The following APP variants were observed in gnomAD, a reference collection of about 807,000 sequenced individuals.
APP encodes amyloid beta precursor protein, also known as amyloid-beta precursor protein.
APP carries 31 observed loss-of-function variants against 101.4 expected under a neutral mutation model. That is an observed-to-expected ratio of 0.31 (90% confidence interval 0.23 to 0.41). The LOEUF is 0.41. Among genes scored for constraint, APP ranks in the 10% least tolerant of loss-of-function variants. The probability of loss-of-function intolerance (pLI) is 1.00; values close to 1 mark genes in which losing one functional copy is unlikely to be tolerated. For synonymous variants in APP, 366 were observed against 364.4 expected, an observed-to-expected ratio of 1.00 and a Z score of -0.05; for missense variants, 839 against 1,003.7, an observed-to-expected ratio of 0.84 and a Z score of 2.22.
chr21:26,099,047 T>C (rs909706702), intron 2 of APP, among the ~76,000 whole-genome samples: 1 of 152,220 alleles, frequency 6.6e-6, no homozygotes, highest in African/African-American at 2.4e-5. Flanking sequence ...TTCATTTTAC[T>C]ATTCTTTCTA....
At chr21:26,078,611 ATTC>A (rs1197880307) in intron 3 of APP, among the ~76,000 whole-genome samples, 1 of 152,182 alleles carries the variant, frequency 6.6e-6, no homozygotes, top group Non-Finnish European at 1.5e-5. Flanking sequence ...TAAATTTCAT[ATTC>A]TTCATCTGGC....
chr21:25,889,926 G>A (rs1036567592), intron 17 of APP, among the ~76,000 whole-genome samples: 3 of 152,042 alleles, frequency 2.0e-5, no homozygotes, highest in African/African-American at 7.2e-5. Flanking sequence ...AGCAAAAAAG[G>A]GGTCTTGAAT....
intron 1 of APP, among the ~76,000 whole-genome samples, chr21:26,127,186 T>C (rs1306159101): frequency 1.7e-5 from 2 of 115,494 alleles, no homozygotes; most frequent in East Asian, 4.7e-4. Context: ...GGGTTAATTA[T>C]CCAGCTTTCA....
At chr21:26,154,713 T>C (rs2063340657) in intron 1 of APP, among the ~76,000 whole-genome samples, 1 of 152,234 alleles carries the variant, frequency 6.6e-6, no homozygotes, top group Non-Finnish European at 1.5e-5. Context: ...GACTGGGCTC[T>C]TGATCCTTAA....
chr21:26,030,631 A>G (rs2044776608), intron 5 of APP, among the ~76,000 whole-genome samples: 2 of 152,236 alleles, frequency 1.3e-5, no homozygotes, highest in Middle Eastern at 3.2e-3. Flanking sequence ...ATATATTATC[A>G]AAAGCAGATT....
At chr21:26,130,226 A>AAACAATTTACAAAAC (rs1314419294) in intron 1 of APP, among the ~76,000 whole-genome samples, 1 of 152,262 alleles carries the variant, frequency 6.6e-6, no homozygotes, top group Non-Finnish European at 1.5e-5. Flanking sequence ...AGATACAACA[A>AAACAATTTACAAAAC]AACATGTACT....
At chr21:25,916,698 G>A (rs1168062534) in intron 13 of APP, among the ~76,000 whole-genome samples, 9 of 152,030 alleles carry the variant, frequency 5.9e-5, no homozygotes, top group East Asian at 3.9e-4. Context: ...TTTGCCAACC[G>A]CTATATTAAA....
intron 1 of APP, chr21:26,140,369 G>A (rs1003025311): frequency 2.8e-5 from 42 of 1,479,304 alleles, no homozygotes; most frequent in African/African-American, 9.8e-5. Flanking sequence ...CTTCTACCAC[G>A]CACAGCAAGG....
chr21:25,894,747 A>G (rs920295102), intron 16 of APP, among the ~76,000 whole-genome samples: 2 of 152,250 alleles, frequency 1.3e-5, no homozygotes, highest in Admixed American at 6.5e-5. Context: ...AAATGACAAC[A>G]AAGGATTTAG....
chr21:25,935,012 G>C (rs560897958), intron 13 of APP: 7 of 152,184 alleles, frequency 4.6e-5, no homozygotes, highest in Non-Finnish European at 1.0e-4. Context: ...CAAGGAAGTG[G>C]AAGGGCCTCA....
At chr21:26,024,889 A>G (rs915218911) in intron 5 of APP, among the ~76,000 whole-genome samples, 2 of 152,268 alleles carry the variant, frequency 1.3e-5, no homozygotes, top group Non-Finnish European at 2.9e-5. Context: ...ATGTGGCTAA[A>G]GAATAAAAAG....
chr21:26,123,484 T>C (rs1569002297), intron 1 of APP, among the ~76,000 whole-genome samples: 1 of 152,236 alleles, frequency 6.6e-6, no homozygotes, highest in Non-Finnish European at 1.5e-5. Context: ...CAGGTTTAAA[T>C]TCCAGGTTAT....
At chr21:26,132,478 A>C (rs1424174758) in intron 1 of APP, among the ~76,000 whole-genome samples, 1 of 151,796 alleles carries the variant, frequency 6.6e-6, no homozygotes, top group Admixed American at 6.6e-5. Flanking sequence ...CAAGATGTAA[A>C]ATAGGCACTC....
intron 1 of APP, among the ~76,000 whole-genome samples, chr21:26,157,462 A>G (rs1006837061): frequency 6.6e-6 from 1 of 152,242 alleles, no homozygotes; most frequent in African/African-American, 2.4e-5. Context: ...CTTCTGAGGA[A>G]TCATATTTTA....
chr21:25,903,364 ATC>A (rs1601346994), intron 15 of APP, among the ~76,000 whole-genome samples: 2 of 134,218 alleles, frequency 1.5e-5, no homozygotes, highest in African/African-American at 6.8e-5. Flanking sequence ...GCGAGACTCC[ATC>A]TCAAAAAAAA....
At chr21:26,043,798 C>CT (rs11371101) in intron 5 of APP, among the ~76,000 whole-genome samples, 152,250 of 152,252 alleles carry the variant, frequency 1, 76,124 homozygotes, top group Middle Eastern at 1. Flanking sequence ...ACAATTTTAC[C>CT]TTTGAGTTCT....
At chr21:26,105,283 G>C (rs1057079738) in intron 2 of APP, among the ~76,000 whole-genome samples, 1 of 152,038 alleles carries the variant, frequency 6.6e-6, no homozygotes, top group Non-Finnish European at 1.5e-5. Context: ...ATGTAATACA[G>C]GGTTTGAGAT....
intron 15 of APP, among the ~76,000 whole-genome samples, chr21:25,902,827 A>G (rs1265532418): frequency 6.6e-6 from 1 of 152,170 alleles, no homozygotes; most frequent in Non-Finnish European, 1.5e-5. Context: ...TTATACCTCA[A>G]GCTCCTGAGA....
chr21:26,116,120 C>T (rs997686412), intron 1 of APP, among the ~76,000 whole-genome samples: 2 of 152,100 alleles, frequency 1.3e-5, no homozygotes, highest in African/African-American at 2.4e-5. Flanking sequence ...AAACAGTGTT[C>T]CTGACAATGA....
Sources: gnomAD v4.1 joint callset for allele counts (sites outside exome capture counted in the v4.1 genomes callset) on GRCh38, gnomAD v4.1.1 for gene constraint, MANE v1.5 for transcripts, NCBI Gene and HGNC (gene_info 2026-07-23, HGNC 2026-07-21) for gene names.